The following SMG6 variants were observed in gnomAD, a reference collection of about 807,000 sequenced individuals.
SMG6 encodes the protein telomerase-binding protein EST1A.
SMG6 carries 66 observed loss-of-function variants against 142.2 expected under a neutral mutation model. That is an observed-to-expected ratio of 0.46 (90% confidence interval 0.38 to 0.57). The LOEUF is 0.57. SMG6 is among the 20% of genes least tolerant of loss of function. SMG6 has a pLI of 0.00. For synonymous variants in SMG6, 779 were observed against 702.4 expected (o/e 1.11, Z -1.72); for missense variants, 1,793 against 1,832.0 (o/e 0.98, Z 0.39).
intron 13 of SMG6, among the ~76,000 whole-genome samples, chr17:2,165,121 C>T (rs1462256133): frequency 6.6e-6 from 1 of 152,212 alleles, no homozygotes; most frequent in African/African-American, 2.4e-5. Context: ...AGCTTTCTCA[C>T]TGCTACGAAT....
chr17:2,296,388 C>T (rs2075142888), intron 4 of SMG6, among the ~76,000 whole-genome samples: 1 of 152,144 alleles, frequency 6.6e-6, no homozygotes, highest in South Asian at 2.1e-4. Flanking sequence ...AGAAGCCTTC[C>T]TTGGCCCCAC....
At chr17:2,089,434 T>C (rs1379603760) in intron 13 of SMG6, among the ~76,000 whole-genome samples, 1 of 152,102 alleles carries the variant, frequency 6.6e-6, no homozygotes, top group Non-Finnish European at 1.5e-5. Flanking sequence ...TGGAGGGAGA[T>C]GCACTGTGTA....
intron 13 of SMG6, chr17:2,127,563 T>C: frequency 1.7e-6 from 1 of 592,616 alleles, no homozygotes; most frequent in Non-Finnish European, 3.3e-6. Flanking sequence ...TCTTCCTATC[T>C]CTCTGGGTGA....
At chr17:2,065,201 C>T (rs760559894) in intron 17 of SMG6, 47 bp from the exon 18 acceptor site, 1 of 1,497,616 alleles carries the variant, frequency 6.7e-7, no homozygotes, top group Non-Finnish European at 9.3e-7. Context: ...GAAGGGGGCG[C>T]CATGTGGAGG....
chr17:2,159,740 T>G (rs116736532), intron 13 of SMG6, among the ~76,000 whole-genome samples: 2,434 of 152,274 alleles, frequency 0.016, 73 homozygotes, highest in African/African-American at 0.055. Context: ...AGTATCTTTT[T>G]CATAACCCCT....
intron 6 of SMG6, among the ~76,000 whole-genome samples, chr17:2,288,330 G>A (rs886773636): frequency 4.6e-5 from 7 of 151,368 alleles, no homozygotes; most frequent in Non-Finnish European, 8.8e-5. Context: ...AAGAAAAAGA[G>A]CAAGACAGCC....
intron 13 of SMG6, among the ~76,000 whole-genome samples, chr17:2,130,272 A>AAAAAAAAAAAG (rs2070072217): frequency 6.8e-6 from 1 of 146,070 alleles, no homozygotes; most frequent in African/African-American, 2.5e-5. Flanking sequence ...GTCTCAAAAA[A>AAAAAAAAAAAG]AAAAAAAAAA....
chr17:2,215,570 T>C (rs1175436769), intron 10 of SMG6: 1 of 152,170 alleles, frequency 6.6e-6, no homozygotes, highest in East Asian at 1.9e-4. Context: ...AATAGTTTGA[T>C]ACTGATGTCA....
In SMG6 at chr17:2,297,244, G is replaced by A; in HGVS notation, c.2150C>T (p.Thr717Ile). ...LAIRSKPLRKTVKYALISAQR... is the reference protein window; with the variant it reads ...LAIRSKPLRKIVKYALISAQR... Reference sequence around the variant, plus strand: ...AGATACATAAAGAAGGTAGCTTACTGTCTTGCGTAATGGCTTGCTGCGAAT... The same window carrying A: ...AGATACATAAAGAAGGTAGCTTACTATCTTGCGTAATGGCTTGCTGCGAAT... Residue 717 changes from threonine (T) to isoleucine (I), a missense_variant and splice_region_variant, in exon 4 of 19, where the codon ACA becomes ATA. Thr to Ile is a moderately conservative substitution (Grantham distance 89). Around this residue, in one of 3 missense-constraint regions of SMG6, gnomAD observed 1,597 missense variants for 1,584.6 expected, o/e 1.01. Coordinates refer to ENST00000263073, the MANE Select transcript of SMG6 (RefSeq NM_017575.5). 2 of 1,595,000 alleles carry A rather than the reference G, an allele frequency of 1.3e-6. No homozygotes were observed. The highest frequency in any genetic ancestry group is 1.7e-6 in the Non-Finnish European group (2 of 1,172,454).
intron 13 of SMG6, among the ~76,000 whole-genome samples, chr17:2,167,131 C>CAAAAAAAAAAAAA (rs57898779): frequency 1.7e-4 from 6 of 35,712 alleles, no homozygotes; most frequent in Admixed American, 1.0e-3. Context: ...GACTCCATCT[C>CAAAAAAAAAAAAA]AAAAAAAAAA....
At chr17:2,194,244 C>G (rs1253191754) in intron 10 of SMG6, among the ~76,000 whole-genome samples, 2 of 152,192 alleles carry the variant, frequency 1.3e-5, no homozygotes, top group Admixed American at 1.3e-4. Flanking sequence ...AATGCCAGAA[C>G]AGGGAACATG....
chr17:2,221,067 T>C (rs1203942880), intron 10 of SMG6, among the ~76,000 whole-genome samples: 2 of 152,192 alleles, frequency 1.3e-5, no homozygotes, highest in African/African-American at 4.8e-5. Flanking sequence ...AGATGAAAGA[T>C]TCAAGAGACC....
intron 13 of SMG6, among the ~76,000 whole-genome samples, chr17:2,110,785 C>T (rs904913102): frequency 6.6e-6 from 1 of 152,182 alleles, no homozygotes; most frequent in Non-Finnish European, 1.5e-5. Context: ...CTCCAGTCTG[C>T]ACGCTGCCCA....
rs2088513120 is a variant in SMG6 at position 2,085,736 on chromosome 17, G to T, written c.3523C>A (p.Leu1175Met). Residue 1175 changes from leucine (L) to methionine (M), a missense_variant, in exon 14 of 19, where the codon CTG (leucine) becomes ATG (methionine). By Grantham distance (15) the Leu-to-Met change is conservative (BLOSUM62 2). Around this residue, in one of 3 missense-constraint regions of SMG6, gnomAD observed 1,597 missense variants for 1,584.6 expected, o/e 1.01. Transcript: ENST00000263073. This position sits in a 1 kb window ranked among gnomAD's most constrained non-coding sequence, Gnocchi z 4.1. ...TTCCCGCATAGTACCTCATCTTCCAGTCGTGTTCCCTCTTGGCTTCCCATT... is the reference window on the plus strand; with the variant it reads ...TTCCCGCATAGTACCTCATCTTCCATTCGTGTTCCCTCTTGGCTTCCCATT... ...KEMGSQEGTR[L>M]EDEEEDVVIE... 5.0e-6 allele frequency: 8 copies of T among 1,613,804 alleles called. No homozygotes were observed. The highest frequency in any genetic ancestry group is 6.8e-6 in the Non-Finnish European group (8 of 1,179,884).
chr17:2,171,848 G>A (rs74963209), intron 13 of SMG6, among the ~76,000 whole-genome samples: 1 of 151,892 alleles, frequency 6.6e-6, no homozygotes, highest in Non-Finnish European at 1.5e-5. Flanking sequence ...GTCCCCAGGG[G>A]ATGTGATCCT....
intron 10 of SMG6, among the ~76,000 whole-genome samples, chr17:2,189,270 G>A (rs780460866): frequency 3.9e-5 from 6 of 152,226 alleles, no homozygotes; most frequent in South Asian, 2.1e-4. Context: ...CCAGGTCACC[G>A]AAAGGAGCCA....
rs1381107154 is a variant in SMG6 at position 2,060,349 on chromosome 17, T to C, written c.*1143A>G. 1 of 151,812 alleles carries C rather than the reference T, an allele frequency of 6.6e-6. No individual in the cohort carries two copies. Among genetic ancestry groups the C allele is most frequent in the Admixed American group, 6.6e-5 (1 of 15,236 alleles). The allele number at this position is 151,812 out of a possible 1,614,324, so 9.4% of individuals were successfully genotyped here. Reference sequence around the variant, plus strand: ...TGTCAGTGTCAGTTTTTCCGGGGAGTGAGGGCAAAGCTAGAAACCAGGTTA... The same window carrying C: ...TGTCAGTGTCAGTTTTTCCGGGGAGCGAGGGCAAAGCTAGAAACCAGGTTA... On this transcript the variant is annotated 3_prime_UTR_variant, in exon 19 of 19. Coordinates refer to ENST00000263073, the MANE Select transcript of SMG6 (RefSeq NM_017575.5).
At chr17:2,121,112 T>TA (rs1432301836) in intron 13 of SMG6, among the ~76,000 whole-genome samples, 1 of 152,176 alleles carries the variant, frequency 6.6e-6, no homozygotes, top group African/African-American at 2.4e-5. Context: ...GGATCTCTAA[T>TA]AAAAAATGCA....
rs1323365158 is a variant in SMG6, at chr17:2,272,828, C to T, written c.2661+9819G>A. On this transcript the variant is annotated intron_variant, in intron 8 of 18. Coordinates refer to ENST00000263073, the MANE Select transcript of SMG6 (RefSeq NM_017575.5). The stretch of plus-strand genomic sequence containing the variant: ...TGGTGGGCGCCTGTAGTCCCAGCTA[C>T]TCGGGAGGCTGAGGCAGGAGAATGG... Among the ~76,000 whole-genome samples, 16 of 151,884 alleles carry T rather than the reference C, an allele frequency of 1.1e-4. 1 individual carries two copies. The highest frequency in any genetic ancestry group is 5.9e-5 in the Non-Finnish European group (4 of 68,000).
Sources: gnomAD v4.1 joint callset for allele counts (sites outside exome capture counted in the v4.1 genomes callset) on GRCh38, gnomAD v4.1.1 for gene constraint, gnomAD v4.1.1 regional missense constraint, Gnocchi (gnomAD v3.1) non-coding constraint, MANE v1.5 for transcripts, NCBI Gene and HGNC (gene_info 2026-07-23, HGNC 2026-07-21) for gene names.